TBXAS1: variants seen among roughly 807,000 people sequenced by gnomAD.
The protein encoded by TBXAS1 is thromboxane A synthase 1.
TBXAS1 carries 48 observed loss-of-function variants against 60.7 expected under a neutral mutation model. The observed-to-expected ratio is 0.79, with a 90% CI of 0.63 to 1.01. The LOEUF (loss-of-function observed/expected upper bound fraction) is 1.01. TBXAS1 is among the 50% of genes least tolerant of loss of function. The probability of loss-of-function intolerance (pLI) is 0.00; values close to 1 mark genes in which losing one functional copy is unlikely to be tolerated. For missense variants in TBXAS1, 685 were observed against 686.3 expected (o/e 1.00, Z 0.02); for synonymous variants, 287 against 269.7 (o/e 1.06, Z -0.63).
At chr7:139,982,885 C>A (rs1812066274) in intron 9 of TBXAS1, among the ~76,000 whole-genome samples, 1 of 152,098 alleles carries the variant, frequency 6.6e-6, no homozygotes, top group South Asian at 2.1e-4. Context: ...TCATTTGTGG[C>A]CAAACTCGAA....
At chr7:139,873,811 G>T (rs999465102) in intron 2 of TBXAS1, among the ~76,000 whole-genome samples, 1 of 152,052 alleles carries the variant, frequency 6.6e-6, no homozygotes, top group Non-Finnish European at 1.5e-5. Context: ...AAGTCACGGG[G>T]ACACTGACTC....
intron 6 of TBXAS1, among the ~76,000 whole-genome samples, chr7:139,954,292 T>C (rs1489050553): frequency 2.0e-5 from 3 of 152,250 alleles, no homozygotes; most frequent in African/African-American, 4.8e-5. Flanking sequence ...TTCATCCACA[T>C]TGTCTCTGAT....
At chr7:139,885,692 T>C (rs1198621851) in intron 3 of TBXAS1, among the ~76,000 whole-genome samples, 1 of 152,204 alleles carries the variant, frequency 6.6e-6, no homozygotes, top group Non-Finnish European at 1.5e-5. Flanking sequence ...AAGCAATGAG[T>C]TCCCAATTCA....
At chr7:139,995,670 T>A (rs571238603) in intron 9 of TBXAS1, among the ~76,000 whole-genome samples, 3 of 152,222 alleles carry the variant, frequency 2.0e-5, no homozygotes, top group Admixed American at 6.5e-5. Context: ...TGTGAAGTTG[T>A]AGTCCTTTGA....
At chr7:140,017,991 C>T (rs1000132415) in intron 12 of TBXAS1, among the ~76,000 whole-genome samples, 158 bp downstream of exon 12, 6 of 152,178 alleles carry the variant, frequency 3.9e-5, no homozygotes, top group African/African-American at 1.2e-4. Context: ...TTTCTTGATT[C>T]GTAAAGTGGG....
rs559215400 is a variant in TBXAS1 at position 140,002,432 on chromosome 7, C to T, written c.1135-4659C>T. ...TGGGAGGATTTCCAAGGTCCTTTCC[C>T]GGGACGGGGAGTCCTCATTTAGCAT... On this transcript the variant is annotated intron_variant, in intron 9 of 12. Transcript: ENST00000448866. 6.8e-4 allele frequency among the ~76,000 whole-genome samples: 103 copies of T among 152,372 alleles called. 1 individual carries two copies. Among genetic ancestry groups the T allele is most frequent in the African/African-American group, 2.3e-3 (96 of 41,582 alleles).
At chr7:139,911,582 A>G (rs1047334097) in intron 4 of TBXAS1, among the ~76,000 whole-genome samples, 2 of 152,228 alleles carry the variant, frequency 1.3e-5, no homozygotes, top group African/African-American at 4.8e-5. Context: ...GCTAAAACCA[A>G]GAGGGTTTTC....
chr7:139,881,702 C>T (rs1244259517), intron 3 of TBXAS1, among the ~76,000 whole-genome samples: 1 of 151,986 alleles, frequency 6.6e-6, no homozygotes, highest in African/African-American at 2.4e-5. Context: ...CTGAAGCAAT[C>T]TATCTCCCAG....
chr7:139,984,622 G>A (rs866217937), intron 9 of TBXAS1, among the ~76,000 whole-genome samples: 21 of 116,814 alleles, frequency 1.8e-4, no homozygotes, highest in African/African-American at 6.6e-4. Context: ...GAAAGAGAGA[G>A]AGAGAGAGAG....
chr7:139,959,676 T>G (rs965435855), intron 8 of TBXAS1, among the ~76,000 whole-genome samples: 3 of 152,152 alleles, frequency 2.0e-5, no homozygotes, highest in Admixed American at 1.3e-4. Flanking sequence ...GCTGCAGTTT[T>G]GCCCATGGAA....
chr7:139,984,634 GAGAGAGAGAA>G lies in TBXAS1; in HGVS notation c.1134+22405_1134+22414del, dbSNP rs1169308500. 8.4e-4 allele frequency among the ~76,000 whole-genome samples: 104 copies of G among 123,682 alleles called. 10 individuals carry two copies. The highest frequency in any genetic ancestry group is 4.2e-3 in the Middle Eastern group (1 of 240). The allele number at this position is 123,682 out of a possible 152,430, so 81.1% of individuals were successfully genotyped here. A position where few individuals can be genotyped will look rare whatever the true frequency, so the allele number is the denominator to read the frequency against. ...AAAGAAAGAGAGAGAGAGAGAGAGA[GAGAGAGAGAA>G]AGAAAGAAAGGGAAGGGGGAAAGAA... On this transcript the variant is annotated intron_variant, in intron 9 of 12. Coordinates refer to ENST00000448866, the MANE Select transcript of TBXAS1 (RefSeq NM_001061.7).
At chr7:139,817,886 T>G (rs1462884511) in intron 4 of TBXAS1, among the ~76,000 whole-genome samples, 1 of 152,242 alleles carries the variant, frequency 6.6e-6, no homozygotes, top group East Asian at 1.9e-4. Context: ...CAAGTGTTCT[T>G]GCAGAAAGAG....
chr7:139,923,325 C>T (rs747079796), intron 4 of TBXAS1, among the ~76,000 whole-genome samples: 8 of 149,758 alleles, frequency 5.3e-5, no homozygotes, highest in South Asian at 2.1e-4. Flanking sequence ...AGACCCTGTC[C>T]GAGAGAGAGA....
At chr7:139,804,608 C>A (rs1185109587) in intron 4 of TBXAS1, among the ~76,000 whole-genome samples, 1 of 152,130 alleles carries the variant, frequency 6.6e-6, no homozygotes, top group African/African-American at 2.4e-5. Flanking sequence ...AATTGTAGCT[C>A]CTGTGTGTCA....
intron 4 of TBXAS1, chr7:139,789,212 A>ATCTG (rs1797298667): frequency 7.0e-6 from 1 of 142,404 alleles, no homozygotes; most frequent in African/African-American, 2.6e-5. Context: ...AATATGTTTA[A>ATCTG]TCTCTCTCTC....
At position 139,955,708 on chromosome 7, in the gene TBXAS1, GA is replaced by G. The variant is rs566940023; in HGVS notation, c.688+104del. Reference sequence around the variant, plus strand: ...TCTGGGGCTCTGTCCCTGCCACTGGGAAAGGGCACTCGGGTTGTTCCCCTGC... The same window carrying G: ...TCTGGGGCTCTGTCCCTGCCACTGGGAAGGGCACTCGGGTTGTTCCCCTGC... On this transcript the variant is annotated intron_variant, in intron 7 of 12. Transcript: ENST00000448866. 7,645 of 1,546,240 alleles carry G rather than the reference GA, an allele frequency of 4.9e-3. 32 individuals are homozygous for G. The highest frequency in any genetic ancestry group is 4.9e-3 in the Non-Finnish European group (5,519 of 1,130,696).
chr7:139,871,546 T>C (rs1801825200), intron 1 of TBXAS1, among the ~76,000 whole-genome samples: 1 of 152,228 alleles, frequency 6.6e-6, no homozygotes, highest in African/African-American at 2.4e-5. Flanking sequence ...ACTGCACTTC[T>C]CAGACTGCCG....
chr7:139,943,389 T>C (rs1477717429), intron 5 of TBXAS1, among the ~76,000 whole-genome samples: 1 of 152,240 alleles, frequency 6.6e-6, no homozygotes, highest in Non-Finnish European at 1.5e-5. Flanking sequence ...ATCACTATCA[T>C]GATGGACTGT....
intron 1 of TBXAS1, among the ~76,000 whole-genome samples, chr7:139,834,843 A>G (rs1366622149): frequency 6.6e-6 from 1 of 152,166 alleles, no homozygotes; most frequent in Admixed American, 6.5e-5. Context: ...TACCAACAAA[A>G]AAAAGTCCAG....
Sources: gnomAD v4.1 joint callset for allele counts (sites outside exome capture counted in the v4.1 genomes callset) on GRCh38, gnomAD v4.1.1 for gene constraint, MANE v1.5 for transcripts, NCBI Gene and HGNC (gene_info 2026-07-23, HGNC 2026-07-21) for gene names.